Variants in HS3ST5 observed in about 807,000 individuals in gnomAD.
The protein encoded by HS3ST5 is heparan sulfate glucosamine 3-O-sulfotransferase 5.
Under a neutral mutation model 25.4 loss-of-function variants are expected in HS3ST5, and 10 were observed. That is an observed-to-expected ratio of 0.39 (90% CI 0.24 to 0.67). HS3ST5 has a LOEUF of 0.67. HS3ST5 is among the 30% of genes least tolerant of loss of function. The pLI is 0.44. For missense variants in HS3ST5, 324 were observed against 420.7 expected, an observed-to-expected ratio of 0.77 and a Z score of 2.01; for synonymous variants, 170 against 162.4, an observed-to-expected ratio of 1.05 and a Z score of -0.36.
At chr6:114,198,202 C>A (rs1230142260) in intron 2 of HS3ST5, among the ~76,000 whole-genome samples, 4 of 151,948 alleles carry the variant, frequency 2.6e-5, no homozygotes, top group African/African-American at 9.7e-5. Flanking sequence ...AGCTCAAAGA[C>A]TGATCCTTCA....
intron 1 of HS3ST5, among the ~76,000 whole-genome samples, chr6:114,274,160 G>C (rs986057205): frequency 2.6e-5 from 4 of 152,114 alleles, no homozygotes; most frequent in African/African-American, 9.6e-5. Flanking sequence ...AGAGAATGCA[G>C]GCACAAAGGC....
At chr6:114,245,290 T>G (rs1772327160) in intron 1 of HS3ST5, among the ~76,000 whole-genome samples, 1 of 152,170 alleles carries the variant, frequency 6.6e-6, no homozygotes, top group South Asian at 2.1e-4. Flanking sequence ...AGCATCATGC[T>G]TCTGACATAA....
At chr6:114,212,120 A>C (rs1210878696) in intron 2 of HS3ST5, among the ~76,000 whole-genome samples, 2 of 152,152 alleles carry the variant, frequency 1.3e-5, no homozygotes, top group Non-Finnish European at 2.9e-5. Context: ...GCTAACAGAT[A>C]ATGCTGTTCA....
rs1156836566 is a variant in HS3ST5, at chr6:114,250,182, GA to G, written c.-338-21405del. Among the ~76,000 whole-genome samples the G allele has an allele frequency of 1.2e-4, 19 of 152,218 alleles. No homozygotes were observed. In the East Asian group the frequency reaches 3.1e-3, roughly 25 times the overall value. On this transcript the variant is annotated intron_variant, in intron 1 of 4. Coordinates refer to ENST00000312719, the MANE Select transcript of HS3ST5 (RefSeq NM_153612.4). ...CCATGATGGTGAAATGGGATGGGAGGAAATTGAATACAAATAGAGATCTGAA... is the reference window on the plus strand; with the variant it reads ...CCATGATGGTGAAATGGGATGGGAGGAATTGAATACAAATAGAGATCTGAA...
At chr6:114,263,268 A>C (rs1184771944) in intron 1 of HS3ST5, among the ~76,000 whole-genome samples, 2 of 152,096 alleles carry the variant, frequency 1.3e-5, no homozygotes, top group Non-Finnish European at 2.9e-5. Flanking sequence ...CAAGATTTTT[A>C]TTAACTTATT....
chr6:114,152,279 GC>G, intron 3 of HS3ST5, among the ~76,000 whole-genome samples: 1 of 152,160 alleles, frequency 6.6e-6, no homozygotes, highest in Non-Finnish European at 1.5e-5. Context: ...ATATTAGCAT[GC>G]ATTTTCTATT....
At chr6:114,151,813 T>C (rs1234157805) in intron 3 of HS3ST5, among the ~76,000 whole-genome samples, 2 of 152,224 alleles carry the variant, frequency 1.3e-5, no homozygotes. Context: ...TATAAATTCC[T>C]GTGCCAGTGT....
At chr6:114,112,562 G>A (rs762862374) in intron 3 of HS3ST5, 4 of 152,134 alleles carry the variant, frequency 2.6e-5, no homozygotes, top group Admixed American at 1.3e-4. Context: ...TAATGCCCAC[G>A]GTTAAATTCA....
chr6:114,227,481 TA>T (rs1049395409), intron 2 of HS3ST5, among the ~76,000 whole-genome samples: 2 of 151,584 alleles, frequency 1.3e-5, no homozygotes, highest in Non-Finnish European at 3.0e-5. Flanking sequence ...TTCACTGAAA[TA>T]AAAAAAACCT....
intron 1 of HS3ST5, among the ~76,000 whole-genome samples, chr6:114,248,848 T>G (rs561367111): frequency 6.6e-6 from 1 of 152,338 alleles, no homozygotes; most frequent in African/African-American, 2.4e-5. Context: ...TATATACCAG[T>G]TTCAGTTAAC....
At chr6:114,331,805 G>A (rs991597930) in intron 1 of HS3ST5, among the ~76,000 whole-genome samples, 2 of 151,944 alleles carry the variant, frequency 1.3e-5, no homozygotes, top group Non-Finnish European at 1.5e-5. Context: ...TACGTTGTTC[G>A]CTAATCTTCT....
intron 2 of HS3ST5, among the ~76,000 whole-genome samples, chr6:114,195,064 T>A (rs1286611415): frequency 2.0e-5 from 3 of 152,154 alleles, no homozygotes; most frequent in Non-Finnish European, 2.9e-5. Context: ...GCAGGACACA[T>A]AACCTTGATA....
chr6:114,091,547 C>G (rs1973731), intron 3 of HS3ST5, among the ~76,000 whole-genome samples: 40,133 of 151,530 alleles, frequency 0.26, 5,592 homozygotes, highest in African/African-American at 0.34. Flanking sequence ...AGCTGGGCAT[C>G]GTGGTGGGCA....
intron 3 of HS3ST5, among the ~76,000 whole-genome samples, chr6:114,079,015 A>C (rs1774304307): frequency 6.6e-6 from 1 of 152,222 alleles, no homozygotes; most frequent in Non-Finnish European, 1.5e-5. Context: ...TACGTGCCTT[A>C]ATTTTAAAAT....
At chr6:114,320,912 CTCTATA>C (rs1375392055) in intron 1 of HS3ST5, among the ~76,000 whole-genome samples, 11 of 116,688 alleles carry the variant, frequency 9.4e-5, no homozygotes, top group Admixed American at 4.1e-4. Flanking sequence ...CTCTCTCTCT[CTCTATA>C]TATATATATA....
intron 2 of HS3ST5, among the ~76,000 whole-genome samples, chr6:114,211,919 T>C (rs895202600): frequency 6.6e-6 from 1 of 152,224 alleles, no homozygotes; most frequent in African/African-American, 2.4e-5. Context: ...CATGTGCACA[T>C]GTTATGTGCC....
At chr6:114,233,552 T>C (rs1343994417) in intron 1 of HS3ST5, among the ~76,000 whole-genome samples, 2 of 152,188 alleles carry the variant, frequency 1.3e-5, no homozygotes, top group Non-Finnish European at 2.9e-5. Context: ...CTTTTCTACA[T>C]GACAAGAAAA....
chr6:114,209,313 A>C (rs1781409883), intron 2 of HS3ST5, among the ~76,000 whole-genome samples: 1 of 151,724 alleles, frequency 6.6e-6, no homozygotes, highest in East Asian at 1.9e-4. Flanking sequence ...AAAAATGTGC[A>C]TTTTGAATTC....
intron 3 of HS3ST5, among the ~76,000 whole-genome samples, chr6:114,140,596 CTT>C (rs1448595294): frequency 1.3e-5 from 2 of 152,188 alleles, no homozygotes; most frequent in African/African-American, 4.8e-5. Flanking sequence ...CTTGCTGACT[CTT>C]TTCTACCCTC....
Sources: gnomAD v4.1 joint callset for allele counts (sites outside exome capture counted in the v4.1 genomes callset) on GRCh38, gnomAD v4.1.1 for gene constraint, MANE v1.5 for transcripts, NCBI Gene and HGNC (gene_info 2026-07-23, HGNC 2026-07-21) for gene names.